The following SNX33 variants were observed in gnomAD, a reference collection of about 807,000 sequenced individuals.
SNX33 encodes the protein sorting nexin-33.
A neutral mutation model predicts 38.8 loss-of-function variants in SNX33; 19 were observed. That is an observed-to-expected ratio of 0.49 (90% CI 0.34 to 0.72). The LOEUF is 0.72. SNX33 is among the 30% of genes least tolerant of loss of function. SNX33 has a pLI of 0.01. For missense variants in SNX33, 641 were observed against 776.4 expected, an observed-to-expected ratio of 0.83 and a Z score of 2.07; for synonymous variants, 246 against 289.7, an observed-to-expected ratio of 0.85 and a Z score of 1.53.
Position 75,647,914 on chromosome 15 carries a change from C to G in SNX33, c.-1189C>G. 2.0e-6 allele frequency: 2 copies of G among 985,556 alleles called. No individual in the cohort carries two copies. The highest frequency in any genetic ancestry group is 3.5e-5 in the African/African-American group (2 of 57,356). 61.1% of individuals were successfully genotyped at this position (985,556 alleles called of 1,614,324 possible). ...TCAGGACGCCACCTCCCGGAATCGC[C>G]TTTTTGTTTTGGAGCTGCCTTCTCG... On this transcript the variant is annotated 5_prime_UTR_variant, in exon 1 of 2. Coordinates refer to ENST00000308527, the MANE Select transcript of SNX33 (RefSeq NM_153271.2).
Position 75,657,624 on chromosome 15 carries a change from G to T in SNX33, c.*409G>T. The T allele has an allele frequency of 3.5e-6, 1 of 282,406 alleles. No individual in the cohort carries two copies. The allele number at this position is 282,406 out of a possible 1,614,324, so 17.5% of individuals were successfully genotyped here. A position where few individuals can be genotyped will look rare whatever the true frequency, so the allele number is the denominator to read the frequency against. ...GGGCACCCAGGGCTGTGACATGCCT[G>T]CTCTTCAGGAGTCCTCAGTGAAGGT... On this transcript the variant is annotated 3_prime_UTR_variant, in exon 2 of 2. Transcript: ENST00000308527. This position sits in a 1 kb window ranked among gnomAD's most constrained non-coding sequence, Gnocchi z 5.5.
At position 75,650,735 on chromosome 15, in the gene SNX33, T is replaced by C. The variant is rs2141397116; in HGVS notation, c.1471+162T>C. On this transcript the variant is annotated intron_variant, in intron 1 of 1. Transcript: ENST00000308527. This position sits in a 1 kb window ranked among gnomAD's most constrained non-coding sequence, Gnocchi z 6.1. ...TGGGCTGGGCACGGTGGCTTACGCTTGTAATCTCAGCACTTTGGGAGGTTG... is the reference window on the plus strand; with the variant it reads ...TGGGCTGGGCACGGTGGCTTACGCTCGTAATCTCAGCACTTTGGGAGGTTG... Among the ~76,000 whole-genome samples the C allele has an allele frequency of 6.6e-6, 1 of 152,330 alleles. No homozygotes were observed. Among genetic ancestry groups the C allele is most frequent in the East Asian group, 1.9e-4 (1 of 5,186 alleles).
At position 75,658,392 on chromosome 15, in the gene SNX33, T is replaced by C. The variant is rs8609; in HGVS notation, c.*1177T>C. On this transcript the variant is annotated 3_prime_UTR_variant, in exon 2 of 2. Transcript: ENST00000308527. The surrounding 1 kb of genome is among the most constrained non-coding windows in gnomAD (Gnocchi z 4.1). Reference sequence around the variant, plus strand: ...GGATTCCATGCCCACCTGCCCTCTGTCTGCCTCGCTGGAATGTGGGCCCCT... The same window carrying C: ...GGATTCCATGCCCACCTGCCCTCTGCCTGCCTCGCTGGAATGTGGGCCCCT... 0.37 allele frequency: 56,045 copies of C among 152,462 alleles called. 10,714 individuals are homozygous for C. Among genetic ancestry groups the C allele is most frequent in the African/African-American group, 0.46 (19,107 of 41,398 alleles). 9.4% of individuals were successfully genotyped at this position (152,462 alleles called of 1,614,324 possible).
rs1414669519 is a variant in SNX33, at chr15:75,650,361, C to G, written c.1259C>G (p.Ala420Gly). 16 of 1,608,834 alleles carry G rather than the reference C, an allele frequency of 9.9e-6. No homozygotes were observed. The highest frequency in any genetic ancestry group is 1.4e-5 in the Non-Finnish European group (16 of 1,177,208). ...AAGGAATTCCAGAAGCTGGGCAGTG[C>G]CTTCCAGGCCATCAGTCATTCCTTC... ...FRKEFQKLGS[A>G]FQAISHSFQM... Residue 420 changes from alanine to glycine, a missense_variant, in exon 1 of 2, where the codon GCC (alanine) becomes GGC (glycine). Physicochemically the swap from Ala to Gly is moderately conservative, Grantham distance 60 (BLOSUM62 0). Transcript: ENST00000308527. This position sits in a 1 kb window ranked among gnomAD's most constrained non-coding sequence, Gnocchi z 6.1.
chr15:75,649,151 G>A lies in SNX33; in HGVS notation c.49G>A (p.Glu17Lys). ...CTATGACTTTCACAGTGAGAACAAG[G>A]AGGAAATCAGCATCCAGCAGGATGA... ...ALYDFHSENK[E>K]EISIQQDEDL... The change falls in exon 1 of 2, where the codon GAG becomes AAG. Residue 17 changes from glutamate (E) to lysine (K), a missense_variant. By Grantham distance (56) the Glu-to-Lys change is moderately conservative. Coordinates refer to ENST00000308527, the MANE Select transcript of SNX33 (RefSeq NM_153271.2). The surrounding 1 kb of genome is among the most constrained non-coding windows in gnomAD (Gnocchi z 6.6). 3 of 1,612,970 alleles carry A rather than the reference G, an allele frequency of 1.9e-6. No homozygotes were observed. The highest frequency in any genetic ancestry group is 2.5e-6 in the Non-Finnish European group (3 of 1,179,298).
Position 75,659,153 on chromosome 15 carries a change from T to C in SNX33, c.*1938T>C, listed in dbSNP as rs1893692453. Reference sequence around the variant, plus strand: ...GGAAACTGAAGAGGACGCTGGCTGTTGGGGGTGCCCTGATCAGGATGAGCG... The same window carrying C: ...GGAAACTGAAGAGGACGCTGGCTGTCGGGGGTGCCCTGATCAGGATGAGCG... On this transcript the variant is annotated 3_prime_UTR_variant, in exon 2 of 2. Coordinates refer to ENST00000308527, the MANE Select transcript of SNX33 (RefSeq NM_153271.2). The C allele has an allele frequency of 6.6e-6, 1 of 152,328 alleles. No homozygotes were observed. Among genetic ancestry groups the C allele is most frequent in the Non-Finnish European group, 1.5e-5 (1 of 68,168 alleles). The allele number at this position is 152,328 out of a possible 1,614,324, so 9.4% of individuals were successfully genotyped here.
chr15:75,650,183 A>G lies in SNX33; in HGVS notation c.1081A>G (p.Thr361Ala). The part of the protein sequence containing the change: ...DEMVGASFLL[T>A]FQIPTEHQDL... ...GATGGTGGGTGCCAGCTTCCTGCTC[A>G]CCTTCCAGATCCCCACCGAGCACCA... Residue 361 changes from threonine to alanine, a missense_variant, in exon 1 of 2, where the codon ACC becomes GCC. Transcript: ENST00000308527. This position sits in a 1 kb window ranked among gnomAD's most constrained non-coding sequence, Gnocchi z 6.1. 1 of 1,605,658 alleles carries G rather than the reference A, an allele frequency of 6.2e-7. No individual in the cohort carries two copies. Among genetic ancestry groups the G allele is most frequent in the African/African-American group, 1.3e-5 (1 of 74,810 alleles).
chr15:75,653,779 G>T (rs760882027), intron 1 of SNX33, among the ~76,000 whole-genome samples: 1 of 152,290 alleles, frequency 6.6e-6, no homozygotes, highest in Admixed American at 6.5e-5. Flanking sequence ...TTGCCTGGGG[G>T]ATGGGTGGGT....
rs774355355 is a variant in SNX33, at chr15:75,658,737, G to T, written c.*1522G>T. ...CCATTGGATGAGATTCTGAGGTCGT[G>T]GTGGGCACAAATTTTCCACAGAACC... On this transcript the variant is annotated 3_prime_UTR_variant, in exon 2 of 2. Transcript: ENST00000308527. This position sits in a 1 kb window ranked among gnomAD's most constrained non-coding sequence, Gnocchi z 4.1. 1.3e-5 allele frequency: 2 copies of T among 152,400 alleles called. No individual in the cohort carries two copies. The highest frequency in any genetic ancestry group is 2.4e-5 in the African/African-American group (1 of 41,450). 9.4% of individuals were successfully genotyped at this position (152,400 alleles called of 1,614,324 possible). A position where few individuals can be genotyped will look rare whatever the true frequency, so the allele number is the denominator to read the frequency against.
At position 75,648,157 on chromosome 15, in the gene SNX33, C is replaced by A; in HGVS notation, c.-946C>A. 2.0e-6 allele frequency: 2 copies of A among 985,596 alleles called. No homozygotes were observed. The highest frequency in any genetic ancestry group is 2.4e-6 in the Non-Finnish European group (2 of 830,072). 61.1% of individuals were successfully genotyped at this position (985,596 alleles called of 1,614,324 possible). A position where few individuals can be genotyped will look rare whatever the true frequency, so the allele number is the denominator to read the frequency against. ...GGGGTCGTAAGTCCCGGGTGAGGAA[C>A]CGGTTTCTGCTGGGGTTACCTTTGG... On this transcript the variant is annotated 5_prime_UTR_variant, in exon 1 of 2. Transcript: ENST00000308527. This position sits in a 1 kb window ranked among gnomAD's most constrained non-coding sequence, Gnocchi z 4.4.
At position 75,656,960 on chromosome 15, in the gene SNX33, A is replaced by G; in HGVS notation, c.1472-2A>G. 6.2e-7 allele frequency: 1 copy of G among 1,611,926 alleles called. No homozygotes were observed. Among genetic ancestry groups the G allele is most frequent in the Non-Finnish European group, 8.5e-7 (1 of 1,178,608 alleles). ...CGCTGTCCTCTGCTCTGCCTATGCCAGGCGCCTTCGCCAAGGTGAAGGAGA... is the reference window on the plus strand; with the variant it reads ...CGCTGTCCTCTGCTCTGCCTATGCCGGGCGCCTTCGCCAAGGTGAAGGAGA... On this transcript the variant is annotated splice_acceptor_variant, in intron 1 of 1. Coordinates refer to ENST00000308527, the MANE Select transcript of SNX33 (RefSeq NM_153271.2). LOFTEE classifies it high-confidence loss of function.
At position 75,649,524 on chromosome 15, in the gene SNX33, C is replaced by T; in HGVS notation, c.422C>T (p.Pro141Leu). 6.3e-7 allele frequency: 1 copy of T among 1,589,902 alleles called. No individual in the cohort carries two copies. The highest frequency in any genetic ancestry group is 8.6e-7 in the Non-Finnish European group (1 of 1,164,728). Residue 141 changes from proline (P) to leucine (L), a missense_variant, in exon 1 of 2, where the codon CCT (proline) becomes CTT (leucine). Pro to Leu is a moderately conservative substitution (Grantham distance 98). Transcript: ENST00000308527. This position sits in a 1 kb window ranked among gnomAD's most constrained non-coding sequence, Gnocchi z 6.6. ...RAGGLGTNGH[P>L]PLNLSYPGAY... ...GGTGGGCTGGGCACCAACGGGCACC[C>T]TCCCCTCAACCTCTCCTACCCTGGT...
rs907506836 is a variant in SNX33 at position 75,658,157 on chromosome 15, G to GATCC, written c.*943_*946dup. The GATCC allele has an allele frequency of 1.3e-5, 2 of 152,598 alleles. No individual in the cohort carries two copies. Among genetic ancestry groups the GATCC allele is most frequent in the Non-Finnish European group, 2.9e-5 (2 of 68,054 alleles). 9.5% of individuals were successfully genotyped at this position (152,598 alleles called of 1,614,324 possible). On this transcript the variant is annotated 3_prime_UTR_variant, in exon 2 of 2. Coordinates refer to ENST00000308527, the MANE Select transcript of SNX33 (RefSeq NM_153271.2). The surrounding 1 kb of genome is among the most constrained non-coding windows in gnomAD (Gnocchi z 4.1). Reference sequence around the variant, plus strand: ...GCTGAGGTATAAGCCCTGGGCCCCAGATCCCTGGTGACACCTTCCTGGAGA... The same window carrying GATCC: ...GCTGAGGTATAAGCCCTGGGCCCCAGATCCATCCCTGGTGACACCTTCCTGGAGA...
Position 75,648,530 on chromosome 15 carries a change from T to A in SNX33, c.-573T>A, listed in dbSNP as rs559449278. On this transcript the variant is annotated 5_prime_UTR_variant, in exon 1 of 2. Coordinates refer to ENST00000308527, the MANE Select transcript of SNX33 (RefSeq NM_153271.2). This position sits in a 1 kb window ranked among gnomAD's most constrained non-coding sequence, Gnocchi z 4.4. ...CCTTGCCCCTCTTGGATTTTCCGGA[T>A]TTTTGAAAACCCAGTGGCCCAGGAG... 1.0e-6 allele frequency: 1 copy of A among 985,334 alleles called. No individual in the cohort carries two copies. Among genetic ancestry groups the A allele is most frequent in the Non-Finnish European group, 1.2e-6 (1 of 829,948 alleles). The allele number at this position is 985,334 out of a possible 1,614,324, so 61.0% of individuals were successfully genotyped here.
In SNX33 at chr15:75,648,923, G is replaced by A. The variant is rs187079357; in HGVS notation, c.-180G>A. 2 of 694,198 alleles carry A rather than the reference G, an allele frequency of 2.9e-6. No individual in the cohort carries two copies. Among genetic ancestry groups the A allele is most frequent in the Non-Finnish European group, 4.4e-6 (2 of 450,348 alleles). The allele number at this position is 694,198 out of a possible 1,614,324, so 43.0% of individuals were successfully genotyped here. On this transcript the variant is annotated 5_prime_UTR_variant, in exon 1 of 2. Coordinates refer to ENST00000308527, the MANE Select transcript of SNX33 (RefSeq NM_153271.2). The surrounding 1 kb of genome is among the most constrained non-coding windows in gnomAD (Gnocchi z 4.4). The stretch of plus-strand genomic sequence containing the variant: ...GGGCAGTTTCTGGGCCATGGACATT[G>A]CTTTGAAGAGGGGGAGACTGGACAG...
At position 75,649,513 on chromosome 15, in the gene SNX33, C is replaced by T; in HGVS notation, c.411C>T (p.Thr137=). The change falls in exon 1 of 2, where the codon ACC becomes ACT. Residue 137 remains threonine (T), a synonymous_variant. Coordinates refer to ENST00000308527, the MANE Select transcript of SNX33 (RefSeq NM_153271.2). This position sits in a 1 kb window ranked among gnomAD's most constrained non-coding sequence, Gnocchi z 6.6. ...AGCCACGGGCTGGTGGGCTGGGCACCAACGGGCACCCTCCCCTCAACCTCT... is the reference window on the plus strand; with the variant it reads ...AGCCACGGGCTGGTGGGCTGGGCACTAACGGGCACCCTCCCCTCAACCTCT... ...VEEPRAGGLG[T]NGHPPLNLSY... 1 of 1,576,160 alleles carries T rather than the reference C, an allele frequency of 6.3e-7. No homozygotes were observed. The highest frequency in any genetic ancestry group is 8.6e-7 in the Non-Finnish European group (1 of 1,157,622).
Position 75,649,049 on chromosome 15 carries a change from C to T in SNX33, c.-54C>T. ...TTCTTGGACTGCCTTGTGAGCATCC[C>T]CGGTCTGGGCAGGACCCTCTCCTTC... On this transcript the variant is annotated 5_prime_UTR_variant, in exon 1 of 2. Coordinates refer to ENST00000308527, the MANE Select transcript of SNX33 (RefSeq NM_153271.2). The surrounding 1 kb of genome is among the most constrained non-coding windows in gnomAD (Gnocchi z 6.6). The T allele has an allele frequency of 6.6e-7, 1 of 1,523,734 alleles. No individual in the cohort carries two copies. The highest frequency in any genetic ancestry group is 8.8e-7 in the Non-Finnish European group (1 of 1,134,716). The allele number at this position is 1,523,734 out of a possible 1,614,324, so 94.4% of individuals were successfully genotyped here.
Position 75,650,569 on chromosome 15 carries a change from A to G in SNX33, c.1467A>G (p.Gln489=), listed in dbSNP as rs756982513. 6.3e-7 allele frequency: 1 copy of G among 1,593,706 alleles called. No individual in the cohort carries two copies. Among genetic ancestry groups the G allele is most frequent in the East Asian group, 2.2e-5 (1 of 44,720 alleles). Residue 489 remains glutamine (Q), a synonymous_variant, in exon 1 of 2, where the codon CAA becomes CAG. Coordinates refer to ENST00000308527, the MANE Select transcript of SNX33 (RefSeq NM_153271.2). The surrounding 1 kb of genome is among the most constrained non-coding windows in gnomAD (Gnocchi z 6.1). ...ACTTCCCTGACATCATCCATCTACAAAAAGGTAAGGCCCAGTGCAGGCAGG... is the reference window on the plus strand; with the variant it reads ...ACTTCCCTGACATCATCCATCTACAGAAAGGTAAGGCCCAGTGCAGGCAGG... The part of the protein sequence containing the change: ...LSNFPDIIHL[Q]KGAFAKVKES...
At position 75,659,525 on chromosome 15, in the gene SNX33, G is replaced by A. The variant is rs1449866398; in HGVS notation, c.*2310G>A. On this transcript the variant is annotated 3_prime_UTR_variant, in exon 2 of 2. Transcript: ENST00000308527. The stretch of plus-strand genomic sequence containing the variant: ...CCCTGCCCCATTTTCTAACCCATCC[G>A]AGGAACTTCCCGCCCTTAACCTCTT... 3 of 152,340 alleles carry A rather than the reference G, an allele frequency of 2.0e-5. No homozygotes were observed. The highest frequency in any genetic ancestry group is 2.9e-5 in the Non-Finnish European group (2 of 68,168). 9.4% of individuals were successfully genotyped at this position (152,340 alleles called of 1,614,324 possible). A position where few individuals can be genotyped will look rare whatever the true frequency, so the allele number is the denominator to read the frequency against.
Sources: allele counts gnomAD v4.1 joint callset (sites outside exome capture counted in the v4.1 genomes callset), GRCh38; gene constraint gnomAD v4.1.1; non-coding constraint Gnocchi (gnomAD v3.1); transcripts MANE v1.5; gene names NCBI Gene and HGNC (gene_info 2026-07-23, HGNC 2026-07-21).